GPC5: variants seen among roughly 807,000 people sequenced by gnomAD.
GPC5 encodes glypican-5.
In GPC5, 47 loss-of-function variants were observed where a neutral mutation model predicts 53.9. The observed-to-expected ratio is 0.87, with a 90% CI of 0.69 to 1.11. The LOEUF is 1.11. Among genes scored for constraint, GPC5 ranks in the 50% most tolerant of loss-of-function variants. The pLI, the probability that GPC5 is intolerant of heterozygous loss-of-function variation, is 0.00. For missense variants in GPC5, 748 were observed against 713.1 expected (o/e 1.05, Z -0.56); for synonymous variants, 286 against 263.3 (o/e 1.09, Z -0.84).
intron 6 of GPC5, among the ~76,000 whole-genome samples, chr13:92,067,432 T>C (rs1410773692): frequency 6.6e-6 from 1 of 152,014 alleles, no homozygotes; most frequent in African/African-American, 2.4e-5. Context: ...AAAATGTGTA[T>C]TTCCAAGCTG....
intron 2 of GPC5, among the ~76,000 whole-genome samples, chr13:91,562,188 T>TAAAAAAAAAAAAAA (rs10603242): frequency 6.7e-5 from 3 of 45,058 alleles, no homozygotes; most frequent in African/African-American, 2.5e-4. Context: ...GGAGCAACAG[T>TAAAAAAAAAAAAAA]AAAAAAAAAA....
At chr13:92,556,554 A>G (rs1267873856) in intron 7 of GPC5, among the ~76,000 whole-genome samples, 1 of 151,870 alleles carries the variant, frequency 6.6e-6, no homozygotes, top group Admixed American at 6.6e-5. Context: ...GTGAACTTAC[A>G]GAATGTCAGT....
At chr13:91,758,590 T>C (rs2037344616) in intron 5 of GPC5, among the ~76,000 whole-genome samples, 1 of 152,160 alleles carries the variant, frequency 6.6e-6, no homozygotes, top group Admixed American at 6.6e-5. Context: ...GAATATATTT[T>C]ATTCTACATA....
intron 7 of GPC5, among the ~76,000 whole-genome samples, chr13:92,436,178 A>G (rs750936060): frequency 6.6e-6 from 1 of 152,172 alleles, no homozygotes; most frequent in Non-Finnish European, 1.5e-5. Flanking sequence ...TTTTGTGTGT[A>G]AAGACTTATT....
intron 7 of GPC5, among the ~76,000 whole-genome samples, chr13:92,478,924 G>C (rs566328670): frequency 6.6e-6 from 1 of 152,216 alleles, no homozygotes; most frequent in Non-Finnish European, 1.5e-5. Flanking sequence ...TGGATTGAAG[G>C]CATATCTACT....
At position 91,452,971 on chromosome 13, in the gene GPC5, A is replaced by G. The variant is rs7335393; in HGVS notation, c.325+4049A>G. 6.4e-3 allele frequency among the ~76,000 whole-genome samples: 972 copies of G among 151,910 alleles called. 10 individuals carry two copies. The highest frequency in any genetic ancestry group is 0.022 in the African/African-American group (907 of 41,496). ...ATTTCTAAAATATATGGTGGATACT[A>G]AGTCTTTATTCTGGAAAATTTCCAG... On this transcript the variant is annotated intron_variant, in intron 2 of 7. Transcript: ENST00000377067.
intron 7 of GPC5, among the ~76,000 whole-genome samples, chr13:92,303,810 T>C (rs1271391516): frequency 6.6e-6 from 1 of 152,210 alleles, no homozygotes; most frequent in Non-Finnish European, 1.5e-5. Context: ...AAATACTCAT[T>C]GTCCACTTTG....
intron 4 of GPC5, among the ~76,000 whole-genome samples, chr13:91,748,652 AG>A (rs1206126498): frequency 1.3e-5 from 2 of 152,206 alleles, no homozygotes; most frequent in Non-Finnish European, 2.9e-5. Context: ...ATTGGCATAC[AG>A]GGGGATTATA....
chr13:91,660,208 T>TTTG (rs1309541857), intron 2 of GPC5, among the ~76,000 whole-genome samples: 1 of 152,242 alleles, frequency 6.6e-6, no homozygotes, highest in Non-Finnish European at 1.5e-5. Flanking sequence ...TGGGGCTGAT[T>TTTG]GCTACAGAGG....
At chr13:92,575,754 G>A (rs748571608) in intron 7 of GPC5, among the ~76,000 whole-genome samples, 21 of 152,044 alleles carry the variant, frequency 1.4e-4, no homozygotes, top group African/African-American at 1.9e-4. Context: ...GAAGTGAACC[G>A]GTTTCAGTCT....
chr13:91,410,573 C>G (rs1010643972), intron 1 of GPC5, among the ~76,000 whole-genome samples: 1 of 151,598 alleles, frequency 6.6e-6, no homozygotes, highest in Non-Finnish European at 1.5e-5. Flanking sequence ...GTCTCGATCT[C>G]CTGACCTCGT....
intron 6 of GPC5, among the ~76,000 whole-genome samples, chr13:92,043,222 A>T (rs942095611): frequency 6.6e-6 from 1 of 152,218 alleles, no homozygotes; most frequent in African/African-American, 2.4e-5. Flanking sequence ...AGTGGTTGAA[A>T]ACAAAGGAGC....
chr13:91,724,783 G>C (rs1293256523), intron 3 of GPC5, among the ~76,000 whole-genome samples: 1 of 152,142 alleles, frequency 6.6e-6, no homozygotes, highest in East Asian at 1.9e-4. Flanking sequence ...CTTGAGCCAG[G>C]GAGGTCAAGG....
chr13:92,313,232 C>T (rs77710035), intron 7 of GPC5, among the ~76,000 whole-genome samples: 4,423 of 152,258 alleles, frequency 0.029, 147 homozygotes, highest in African/African-American at 0.084. Context: ...TACATGAGCA[C>T]TTTTCTAGCC....
chr13:92,519,129 A>G (rs1042726607), intron 7 of GPC5, among the ~76,000 whole-genome samples: 11 of 151,986 alleles, frequency 7.2e-5, no homozygotes, highest in African/African-American at 2.7e-4. Flanking sequence ...TTCATAAAGC[A>G]AGTTCTTAGA....
chr13:92,337,197 C>T (rs2043330302), intron 7 of GPC5, among the ~76,000 whole-genome samples: 1 of 110,410 alleles, frequency 9.1e-6, no homozygotes, highest in Non-Finnish European at 1.7e-5. Flanking sequence ...GCAGCACCCC[C>T]CACCCAAAAA....
chr13:92,312,063 T>C (rs1430461451), intron 7 of GPC5, among the ~76,000 whole-genome samples: 1 of 152,148 alleles, frequency 6.6e-6, no homozygotes, highest in Non-Finnish European at 1.5e-5. Flanking sequence ...TTTTGACCAC[T>C]TAAAGGGTTT....
At chr13:91,838,060 G>C (rs1189764186) in intron 5 of GPC5, among the ~76,000 whole-genome samples, 3 of 152,150 alleles carry the variant, frequency 2.0e-5, no homozygotes, top group Non-Finnish European at 2.9e-5. Flanking sequence ...ATGGAGCAGA[G>C]AGCCCAATCA....
chr13:91,800,424 A>G (rs1284184209), intron 5 of GPC5, among the ~76,000 whole-genome samples: 2 of 151,772 alleles, frequency 1.3e-5, no homozygotes, highest in Non-Finnish European at 2.9e-5. Context: ...AGTCTAAAAT[A>G]GTAAACATAT....
Sources: gnomAD v4.1 joint callset for allele counts (sites outside exome capture counted in the v4.1 genomes callset) on GRCh38, gnomAD v4.1.1 for gene constraint, MANE v1.5 for transcripts, NCBI Gene and HGNC (gene_info 2026-07-23, HGNC 2026-07-21) for gene names.